The following TENM1 variants were observed in gnomAD, a reference collection of about 807,000 sequenced individuals.
The protein encoded by TENM1 is teneurin transmembrane protein 1, also known as teneurin-1.
A neutral mutation model predicts 174.8 loss-of-function variants in TENM1; 35 were observed. The observed-to-expected ratio is 0.20, with a 90% CI of 0.15 to 0.27. The LOEUF is 0.27. TENM1 is among the 10% of genes least tolerant of loss of function. The pLI is 1.00. For missense variants in TENM1, 1,633 were observed against 2,130.1 expected, an observed-to-expected ratio of 0.77 and a Z score of 4.59; for synonymous variants, 781 against 798.7, an observed-to-expected ratio of 0.98 and a Z score of 0.37.
intron 14 of TENM1, among the ~76,000 whole-genome samples, chrX:124,557,449 C>A (rs1352341947): frequency 3.0e-5 from 3 of 100,012 alleles, no homozygotes; most frequent in Non-Finnish European, 6.1e-5. Context: ...ATTGTAAGAT[C>A]TATCACCACT....
At chrX:124,461,107 C>G (rs767986337) in intron 22 of TENM1, among the ~76,000 whole-genome samples, 1 of 112,251 alleles carries the variant, frequency 8.9e-6, no homozygotes, top group East Asian at 2.8e-4. Context: ...AGAAAGTACT[C>G]AAGACCTTCC....
chrX:124,476,374 T>C (rs2046724692), intron 22 of TENM1, among the ~76,000 whole-genome samples: 1 of 112,151 alleles, frequency 8.9e-6, no homozygotes, highest in African/African-American at 3.2e-5. Context: ...TAATTTCCAA[T>C]AAAGTTAAGA....
intron 5 of TENM1, among the ~76,000 whole-genome samples, chrX:124,673,528 T>C (rs1214373289): frequency 9.0e-6 from 1 of 111,447 alleles, no homozygotes; most frequent in African/African-American, 3.3e-5. Context: ...AAGAATGAAT[T>C]GGAGACCTAA....
intron 4 of TENM1, among the ~76,000 whole-genome samples, chrX:124,722,670 C>T (rs2053340794): frequency 9.2e-6 from 1 of 108,184 alleles, no homozygotes; most frequent in Admixed American, 9.9e-5. Flanking sequence ...GAAACCCTGT[C>T]CCTACTAAAA....
intron 3 of TENM1, among the ~76,000 whole-genome samples, chrX:124,803,015 T>G (rs1270102274): frequency 1.8e-5 from 2 of 111,407 alleles, no homozygotes; most frequent in Non-Finnish European, 3.8e-5. Flanking sequence ...ACATTAACAG[T>G]TTTTAACTCT....
intron 1 of TENM1, among the ~76,000 whole-genome samples, chrX:124,916,148 AC>A (rs1261845738): frequency 2.7e-5 from 3 of 111,457 alleles, no homozygotes; most frequent in Non-Finnish European, 5.7e-5. Flanking sequence ...CCATTGTTTT[AC>A]CCCCATTTTA....
chrX:125,012,006 TA>T, the TENM1 span, among the ~76,000 whole-genome samples: 1 of 111,186 alleles, frequency 9.0e-6, no homozygotes, highest in Non-Finnish European at 1.9e-5. Context: ...ATGCAGCCAA[TA>T]AAAAGAATGA....
intron 3 of TENM1, among the ~76,000 whole-genome samples, chrX:124,814,346 G>A (rs979748171): frequency 9.0e-6 from 1 of 111,479 alleles, no homozygotes; most frequent in African/African-American, 3.3e-5. Context: ...CATTATTATT[G>A]CTATTGTTTA....
chrX:124,556,259 C>A (rs1321941918), intron 14 of TENM1, among the ~76,000 whole-genome samples: 1 of 105,124 alleles, frequency 9.5e-6, no homozygotes, highest in African/African-American at 3.5e-5. Context: ...GCCTGTCCAA[C>A]ATGGTGAAAA....
At chrX:124,763,610 G>A (rs942919107) in intron 3 of TENM1, among the ~76,000 whole-genome samples, 6 of 111,238 alleles carry the variant, frequency 5.4e-5, no homozygotes, top group African/African-American at 9.8e-5. Context: ...ACTAAATGTC[G>A]CATTAATCCA....
intron 1 of TENM1, among the ~76,000 whole-genome samples, chrX:124,917,482 C>G (rs772281690): frequency 9.0e-6 from 1 of 111,571 alleles, no homozygotes; most frequent in East Asian, 2.8e-4. Flanking sequence ...CATTCCTTAA[C>G]CCCACATAGA....
chrX:124,877,215 C>T (rs1386061682), intron 3 of TENM1, among the ~76,000 whole-genome samples: 2 of 112,275 alleles, frequency 1.8e-5, no homozygotes, highest in African/African-American at 6.5e-5. Context: ...CACTGCAGAT[C>T]TTCAGATTTC....
chrX:125,191,049 T>A, the TENM1 span, among the ~76,000 whole-genome samples: 1 of 111,837 alleles, frequency 8.9e-6, no homozygotes, highest in Non-Finnish European at 1.9e-5. Flanking sequence ...ATATCATAAA[T>A]CACATAGCAT....
At chrX:124,892,382 T>A (rs1263587592) in intron 3 of TENM1, among the ~76,000 whole-genome samples, 1 of 111,557 alleles carries the variant, frequency 9.0e-6, no homozygotes, top group East Asian at 2.8e-4. Context: ...TTTCTTATAA[T>A]CCTTCATGAG....
chrX:124,383,669 A>G, exon 30 of TENM1: 1 of 1,209,930 alleles, frequency 8.3e-7, no homozygotes, highest in South Asian at 1.8e-5. Context: ...AATTTTGCCA[A>G]CTGGGTAGTT....
chrX:124,543,198 A>G lies in TENM1; in HGVS notation c.2651+3676T>C, dbSNP rs2048358591. ...CACCTATGCCGTGCCCATGCATCCTAGGTTGCCCATGCATCCCAAGCTGTG... is the reference window on the plus strand; with the variant it reads ...CACCTATGCCGTGCCCATGCATCCTGGGTTGCCCATGCATCCCAAGCTGTG... On this transcript the variant is annotated intron_variant, in intron 15 of 31. Coordinates refer to ENST00000422452, the Ensembl canonical transcript of TENM1. Among the ~76,000 whole-genome samples, 4 of 112,589 alleles carry G rather than the reference A, an allele frequency of 3.6e-5. No homozygotes were observed. In the Admixed American group the frequency reaches 3.7e-4, roughly 11 times the overall value.
chrX:125,082,425 T>C, the TENM1 span, among the ~76,000 whole-genome samples: 1 of 111,292 alleles, frequency 9.0e-6, no homozygotes, highest in African/African-American at 3.3e-5. Flanking sequence ...AATTCTCACA[T>C]TGATCTACAG....
chrX:124,653,777 T>G (rs141025756), exon 7 of TENM1: 1,009 of 1,201,900 alleles, frequency 8.4e-4, no homozygotes, highest in Non-Finnish European at 1.1e-3. Context: ...CCGTCCCTTC[T>G]GAAACACTAG....
the TENM1 span, among the ~76,000 whole-genome samples, chrX:125,084,051 T>C: frequency 1.6e-4 from 18 of 111,703 alleles, no homozygotes; most frequent in African/African-American, 5.8e-4. Flanking sequence ...TCAAACAATA[T>C]AGAAGACAGG....
Sources: gnomAD v4.1 joint callset for allele counts (sites outside exome capture counted in the v4.1 genomes callset) on GRCh38, gnomAD v4.1.1 for gene constraint, MANE v1.5 for transcripts, NCBI Gene and HGNC (gene_info 2026-07-23, HGNC 2026-07-21) for gene names.